FBXO8: variants seen among roughly 807,000 people sequenced by gnomAD.
The protein encoded by FBXO8 is F-box only protein 8.
FBXO8 carries 15 observed loss-of-function variants against 33.4 expected under a neutral mutation model. That is an observed-to-expected ratio of 0.45 (90% confidence interval 0.30 to 0.69). The LOEUF (loss-of-function observed/expected upper bound fraction) is 0.69, where lower values mean the gene tolerates loss of function less well. FBXO8 is among the 30% of genes least tolerant of loss of function. The probability of loss-of-function intolerance (pLI) is 0.08; values close to 1 mark genes in which losing one functional copy is unlikely to be tolerated. For missense variants in FBXO8, 274 were observed against 380.3 expected (o/e 0.72, Z 2.32); for synonymous variants, 132 against 131.5 (o/e 1.00, Z -0.02).
At chr4:174,276,248 T>A (rs1736957304) in intron 1 of FBXO8, among the ~76,000 whole-genome samples, 2 of 152,176 alleles carry the variant, frequency 1.3e-5, no homozygotes, top group African/African-American at 4.8e-5. Flanking sequence ...AGCCAACTTG[T>A]TTTTTCTGAG....
In FBXO8 at chr4:174,245,553, A is replaced by G. The variant is rs1736139837; in HGVS notation, c.457-4335T>C. ...CAACCAGACTATGACAGTGACAGAAATAGTGCTGAATTTTAGGGTAAGAAG... is the reference window on the plus strand; with the variant it reads ...CAACCAGACTATGACAGTGACAGAAGTAGTGCTGAATTTTAGGGTAAGAAG... On this transcript the variant is annotated intron_variant, in intron 3 of 5. Transcript: ENST00000393674. This position sits in a 1 kb window ranked among gnomAD's most constrained non-coding sequence, Gnocchi z 4.6. Among the ~76,000 whole-genome samples, 1 of 151,918 alleles carries G rather than the reference A, an allele frequency of 6.6e-6. No homozygotes were observed. The highest frequency in any genetic ancestry group is 1.5e-5 in the Non-Finnish European group (1 of 67,906).
Position 174,270,869 on chromosome 4 carries a change from G to A in FBXO8, c.-8-7769C>T, listed in dbSNP as rs1338162984. On this transcript the variant is annotated intron_variant, in intron 1 of 5. Transcript: ENST00000393674. The surrounding 1 kb of genome is among the most constrained non-coding windows in gnomAD (Gnocchi z 4.6). ...TCACCTCAGGTGATCCGCCCGCCTCGGCTTCTCAGGAATAGGTTTTAAACT... is the reference window on the plus strand; with the variant it reads ...TCACCTCAGGTGATCCGCCCGCCTCAGCTTCTCAGGAATAGGTTTTAAACT... Among the ~76,000 whole-genome samples the A allele has an allele frequency of 6.6e-6, 1 of 152,082 alleles. No homozygotes were observed. The highest frequency in any genetic ancestry group is 2.4e-5 in the African/African-American group (1 of 41,388).
chr4:174,254,349 A>G lies in FBXO8; in HGVS notation c.456+5350T>C, dbSNP rs1560869269. Among the ~76,000 whole-genome samples, 1 of 152,182 alleles carries G rather than the reference A, an allele frequency of 6.6e-6. No homozygotes were observed. Among genetic ancestry groups the G allele is most frequent in the African/African-American group, 2.4e-5 (1 of 41,442 alleles). On this transcript the variant is annotated intron_variant, in intron 3 of 5. Transcript: ENST00000393674. This position sits in a 1 kb window ranked among gnomAD's most constrained non-coding sequence, Gnocchi z 4.2. ...TTCCTGAGAGATTCACTTTCAGTAG[A>G]AAGATAAAGCCAAATTTCTAGATGT...
rs1736555010 is a variant in FBXO8 at position 174,261,318 on chromosome 4, T to C, written c.329+1446A>G. Reference sequence around the variant, plus strand: ...AATTTCAAATAGAAGCAATTTATTATTAAGGAAAAAATCCAAGTATTATAA... The same window carrying C: ...AATTTCAAATAGAAGCAATTTATTACTAAGGAAAAAATCCAAGTATTATAA... On this transcript the variant is annotated intron_variant, in intron 2 of 5. Coordinates refer to ENST00000393674, the MANE Select transcript of FBXO8 (RefSeq NM_012180.3). This position sits in a 1 kb window ranked among gnomAD's most constrained non-coding sequence, Gnocchi z 4.1. Among the ~76,000 whole-genome samples the C allele has an allele frequency of 6.6e-6, 1 of 151,866 alleles. No homozygotes were observed. Among genetic ancestry groups the C allele is most frequent in the Non-Finnish European group, 1.5e-5 (1 of 67,808 alleles).
At chr4:174,268,936 A>G (rs575576917) in intron 1 of FBXO8, 1 of 152,370 alleles carries the variant, frequency 6.6e-6, no homozygotes, top group Non-Finnish European at 1.5e-5. Flanking sequence ...CGGCAGAAGC[A>G]CCAGGCGTAC....
Position 174,259,624 on chromosome 4 carries a change from G to C in FBXO8, c.456+75C>G. The C allele has an allele frequency of 6.5e-7, 1 of 1,536,600 alleles. No individual in the cohort carries two copies. Among genetic ancestry groups the C allele is most frequent in the Non-Finnish European group, 8.7e-7 (1 of 1,142,954 alleles). ...CAATGACTTTTTGTTTTCCCTGCTAGTTTATGATATTGGAAAGCTGCAGCA... is the reference window on the plus strand; with the variant it reads ...CAATGACTTTTTGTTTTCCCTGCTACTTTATGATATTGGAAAGCTGCAGCA... On this transcript the variant is annotated intron_variant, in intron 3 of 5. Coordinates refer to ENST00000393674, the MANE Select transcript of FBXO8 (RefSeq NM_012180.3). This position sits in a 1 kb window ranked among gnomAD's most constrained non-coding sequence, Gnocchi z 4.3.
rs1737206612 is a variant in FBXO8 at position 174,283,639 on chromosome 4, C to G, written c.-238G>C. ...CAGCTGCAGGGGCCAGAACTGCCGA[C>G]TATCCCAATTTTGACGTTTCCTATT... On this transcript the variant is annotated 5_prime_UTR_variant, in exon 1 of 6. Transcript: ENST00000393674. The surrounding 1 kb of genome is among the most constrained non-coding windows in gnomAD (Gnocchi z 6.7). The G allele has an allele frequency of 2.7e-6, 1 of 368,838 alleles. No individual in the cohort carries two copies. Among genetic ancestry groups the G allele is most frequent in the South Asian group, 1.5e-4 (1 of 6,760 alleles). 22.8% of individuals were successfully genotyped at this position (368,838 alleles called of 1,614,324 possible).
intron 1 of FBXO8, chr4:174,269,297 T>C (rs1736774866): frequency 6.6e-6 from 1 of 151,366 alleles, no homozygotes. Flanking sequence ...AAGTTGAAAC[T>C]CTTCCTTTCC....
intron 1 of FBXO8, among the ~76,000 whole-genome samples, chr4:174,268,728 G>T (rs1030531662): frequency 6.6e-6 from 1 of 152,176 alleles, no homozygotes; most frequent in Non-Finnish European, 1.5e-5. Flanking sequence ...GAGCCACCGC[G>T]CCCGGCCGGG....
At chr4:174,276,551 TA>T (rs961431342) in intron 1 of FBXO8, among the ~76,000 whole-genome samples, 1 of 152,126 alleles carries the variant, frequency 6.6e-6, no homozygotes, top group African/African-American at 2.4e-5. Context: ...AGCCAATTTT[TA>T]AAAAAAATTT....
At position 174,256,521 on chromosome 4, in the gene FBXO8, G is replaced by A. The variant is rs1736418761; in HGVS notation, c.456+3178C>T. Among the ~76,000 whole-genome samples, 1 of 152,058 alleles carries A rather than the reference G, an allele frequency of 6.6e-6. No homozygotes were observed. Among genetic ancestry groups the A allele is most frequent in the Non-Finnish European group, 1.5e-5 (1 of 68,008 alleles). On this transcript the variant is annotated intron_variant, in intron 3 of 5. Transcript: ENST00000393674. This position sits in a 1 kb window ranked among gnomAD's most constrained non-coding sequence, Gnocchi z 4.6. Reference sequence around the variant, plus strand: ...CTATATAAGAACATTTATTAGGATGGATCTTTCACTTACATGATTTCAATT... The same window carrying A: ...CTATATAAGAACATTTATTAGGATGAATCTTTCACTTACATGATTTCAATT...
At chr4:174,239,680 T>C (rs1735981903) in intron 4 of FBXO8, among the ~76,000 whole-genome samples, 1 of 151,898 alleles carries the variant, frequency 6.6e-6, no homozygotes. Context: ...TTTCACATAG[T>C]ATATTGTGGA....
intron 3 of FBXO8, among the ~76,000 whole-genome samples, chr4:174,249,648 T>A (rs1397456723): frequency 6.6e-6 from 1 of 152,096 alleles, no homozygotes; most frequent in East Asian, 1.9e-4. Context: ...TACATGGTAG[T>A]TTCACTGCTA....
rs1736802513 is a variant in FBXO8 at position 174,270,098 on chromosome 4, T to A, written c.-8-6998A>T. 6.6e-6 allele frequency among the ~76,000 whole-genome samples: 1 copy of A among 152,248 alleles called. No homozygotes were observed. On this transcript the variant is annotated intron_variant, in intron 1 of 5. Coordinates refer to ENST00000393674, the MANE Select transcript of FBXO8 (RefSeq NM_012180.3). The surrounding 1 kb of genome is among the most constrained non-coding windows in gnomAD (Gnocchi z 4.6). ...GAATGGCTACTGAATGGCTACTGAA[T>A]GTGGACTGGCAACCAAACTGTGCGA... is the stretch of plus-strand genomic sequence containing the variant.
intron 3 of FBXO8, among the ~76,000 whole-genome samples, chr4:174,250,903 T>C (rs1736270990): frequency 6.6e-6 from 1 of 152,098 alleles, no homozygotes; most frequent in South Asian, 2.1e-4. Context: ...CTAGAAGTAA[T>C]ATCAAGTTTC....
chr4:174,266,416 C>A (rs1736695409), intron 1 of FBXO8, among the ~76,000 whole-genome samples: 1 of 152,016 alleles, frequency 6.6e-6, no homozygotes, highest in Non-Finnish European at 1.5e-5. Flanking sequence ...GTTCTTGATC[C>A]TGGGTAAAAA....
At position 174,252,676 on chromosome 4, in the gene FBXO8, C is replaced by CACAT. The variant is rs35890245; in HGVS notation, c.456+7022_456+7023insATGT. On this transcript the variant is annotated intron_variant, in intron 3 of 5. Transcript: ENST00000393674. The surrounding 1 kb of genome is among the most constrained non-coding windows in gnomAD (Gnocchi z 5.1). The stretch of plus-strand genomic sequence containing the variant: ...ATGCACACACACACACACACACACA[C>CACAT]GCACAGACAATACTACCTCTTTGTG... Among the ~76,000 whole-genome samples the CACAT allele has an allele frequency of 2.7e-3, 409 of 151,500 alleles. 4 individuals are homozygous for CACAT. The highest frequency in any genetic ancestry group is 4.2e-3 in the Non-Finnish European group (282 of 67,758).
intron 3 of FBXO8, among the ~76,000 whole-genome samples, chr4:174,242,905 G>A (rs1736072286): frequency 6.6e-6 from 1 of 151,472 alleles, no homozygotes; most frequent in African/African-American, 2.4e-5. Flanking sequence ...TAATTGAAAT[G>A]ATTTAAAAAC....
rs560191274 is a variant in FBXO8 at position 174,262,987 on chromosome 4, T to A, written c.106A>T (p.Ser36Cys). 1 of 1,614,076 alleles carries A rather than the reference T, an allele frequency of 6.2e-7. No individual in the cohort carries two copies. The highest frequency in any genetic ancestry group is 1.7e-5 in the Admixed American group (1 of 60,002). ...TREQSRRMAA[S>C]NISNTNHRKQ... ...CGATGATTGGTGTTAGAAATGTTGC[T>A]CGCAGCCATTCTCCTGCTCTGCTCT... is the stretch of plus-strand genomic sequence containing the variant. Residue 36 changes from serine (S) to cysteine (C), a missense_variant, in exon 2 of 6, where the codon AGC becomes TGC. Ser to Cys is a moderately radical substitution (Grantham distance 112). This residue lies in a region of FBXO8 where 88 missense variants were observed against 86.9 expected (regional missense o/e 1.01). Coordinates refer to ENST00000393674, the MANE Select transcript of FBXO8 (RefSeq NM_012180.3). The surrounding 1 kb of genome is among the most constrained non-coding windows in gnomAD (Gnocchi z 4.6).
Sources: allele counts gnomAD v4.1 joint callset (sites outside exome capture counted in the v4.1 genomes callset), GRCh38; gene constraint gnomAD v4.1.1; regional missense constraint gnomAD v4.1.1; non-coding constraint Gnocchi (gnomAD v3.1); transcripts MANE v1.5; gene names NCBI Gene and HGNC (gene_info 2026-07-23, HGNC 2026-07-21).